CLVS2: variants seen among roughly 807,000 people sequenced by gnomAD.
CLVS2 encodes clavesin-2.
Under a neutral mutation model 29.0 loss-of-function variants are expected in CLVS2, and 19 were observed. The observed-to-expected ratio is 0.66, with a 90% CI of 0.46 to 0.96. CLVS2 has a LOEUF of 0.96. Among genes scored for constraint, CLVS2 ranks in the 40% least tolerant of loss-of-function variants. The probability of loss-of-function intolerance (pLI) is 0.00; values close to 1 mark genes in which losing one functional copy is unlikely to be tolerated. For missense variants in CLVS2, 294 were observed against 404.1 expected (o/e 0.73, Z 2.34); for synonymous variants, 161 against 151.3 (o/e 1.06, Z -0.47).
intron 3 of CLVS2, among the ~76,000 whole-genome samples, chr6:123,046,668 A>G (rs1021575540): frequency 2.6e-5 from 4 of 151,982 alleles, no homozygotes; most frequent in Admixed American, 2.6e-4. Context: ...CAAAAAAAAA[A>G]AAAAATAATA....
At chr6:123,021,052 G>GGGGC (rs1562166438) in intron 3 of CLVS2, among the ~76,000 whole-genome samples, 4 of 51,996 alleles carry the variant, frequency 7.7e-5, no homozygotes, top group African/African-American at 3.7e-4. Context: ...GAAAGAGTAT[G>GGGGC]GGGGGGGTAA....
At chr6:123,036,594 C>T (rs1459510906) in intron 3 of CLVS2, among the ~76,000 whole-genome samples, 1 of 152,126 alleles carries the variant, frequency 6.6e-6, no homozygotes, top group Non-Finnish European at 1.5e-5. Flanking sequence ...GAAGTAGATC[C>T]TCTTAGATTA....
Position 123,055,884 on chromosome 6 carries a change from A to T in CLVS2, c.754A>T (p.Met252Leu). ...GATCCTGCCCTCTGAGTTTGGAGGAATGCTGCCTCCTTATGACATGGGGAC... is the reference window on the plus strand; with the variant it reads ...GATCCTGCCCTCTGAGTTTGGAGGATTGCTGCCTCCTTATGACATGGGGAC... ...PEILPSEFGG[M>L]LPPYDMGTWA... The change falls in exon 5 of 6, where the codon ATG becomes TTG. Residue 252 changes from methionine (M) to leucine (L), a missense_variant. Physicochemically the swap from Met to Leu is conservative, Grantham distance 15 (BLOSUM62 2). Around this residue, in one of 2 missense-constraint regions of CLVS2, gnomAD observed 212 missense variants for 336.4 expected, o/e 0.63. Coordinates refer to ENST00000275162, the MANE Select transcript of CLVS2 (RefSeq NM_001010852.4). The T allele has an allele frequency of 1.2e-6, 2 of 1,614,076 alleles. No homozygotes were observed. The highest frequency in any genetic ancestry group is 1.7e-6 in the Non-Finnish European group (2 of 1,179,964).
chr6:123,033,091 A>G (rs938980540), intron 3 of CLVS2, among the ~76,000 whole-genome samples: 11 of 151,990 alleles, frequency 7.2e-5, no homozygotes, highest in Non-Finnish European at 1.0e-4. Context: ...CATATTAGCC[A>G]TTTTTGGTTT....
chr6:123,010,515 C>G (rs1057291798), intron 2 of CLVS2, among the ~76,000 whole-genome samples: 12 of 152,010 alleles, frequency 7.9e-5, no homozygotes, highest in African/African-American at 2.4e-4. Flanking sequence ...GATACAAACT[C>G]AATACAAGTA....
intron 3 of CLVS2, among the ~76,000 whole-genome samples, chr6:123,041,644 G>A (rs561853171): frequency 1.3e-5 from 2 of 152,192 alleles, no homozygotes; most frequent in South Asian, 4.1e-4. Context: ...ATATAGAATG[G>A]GGAAATGATT....
At chr6:123,003,899 T>C (rs1774625871) in intron 2 of CLVS2, among the ~76,000 whole-genome samples, 1 of 152,200 alleles carries the variant, frequency 6.6e-6, no homozygotes, top group African/African-American at 2.4e-5. Context: ...ACTGTGTGTA[T>C]TGTAGCAATT....
At chr6:123,041,552 C>T (rs909309076) in intron 3 of CLVS2, among the ~76,000 whole-genome samples, 1 of 152,082 alleles carries the variant, frequency 6.6e-6, no homozygotes, top group Non-Finnish European at 1.5e-5. Flanking sequence ...AACTGAATTC[C>T]CTTAAAGGAG....
Position 123,065,434 on chromosome 6 carries a change from A to G in CLVS2, c.*1673A>G, listed in dbSNP as rs1197135497. 1 of 151,870 alleles carries G rather than the reference A, an allele frequency of 6.6e-6. No homozygotes were observed. The highest frequency in any genetic ancestry group is 1.5e-5 in the Non-Finnish European group (1 of 67,824). The allele number at this position is 151,870 out of a possible 1,614,324, so 9.4% of individuals were successfully genotyped here. ...TTGTAAAAGCAAGCTGAATACACCA[A>G]TGTACAGTGTATCAATGGACTGCCT... On this transcript the variant is annotated 3_prime_UTR_variant, in exon 6 of 6. Transcript: ENST00000275162.
Position 123,065,441 on chromosome 6 carries a change from G to C in CLVS2, c.*1680G>C, listed in dbSNP as rs1320466888. On this transcript the variant is annotated 3_prime_UTR_variant, in exon 6 of 6. Coordinates refer to ENST00000275162, the MANE Select transcript of CLVS2 (RefSeq NM_001010852.4). ...AGCAAGCTGAATACACCAATGTACA[G>C]TGTATCAATGGACTGCCTCATGTGT... is the stretch of plus-strand genomic sequence containing the variant. 1 of 151,806 alleles carries C rather than the reference G, an allele frequency of 6.6e-6. No homozygotes were observed. Among genetic ancestry groups the C allele is most frequent in the Non-Finnish European group, 1.5e-5 (1 of 67,806 alleles). 9.4% of individuals were successfully genotyped at this position (151,806 alleles called of 1,614,324 possible).
At chr6:123,008,372 A>T (rs2114304664) in intron 2 of CLVS2, among the ~76,000 whole-genome samples, 1 of 152,220 alleles carries the variant, frequency 6.6e-6, no homozygotes, top group East Asian at 1.9e-4. Context: ...TGATATGTGT[A>T]TCAACGTTTA....
In CLVS2 at chr6:122,997,592, C is replaced by CA; in HGVS notation, c.-186_-185insA. ...AGTTTACACCCCCCGGCCCCCCCAG[C>CA]TTTGCTGGGGGAAAGCAGGAGCAAC... On this transcript the variant is annotated 5_prime_UTR_variant, in exon 2 of 6. The change abolishes the stop of an existing upstream ORF in the 5' untranslated region. Coordinates refer to ENST00000275162, the MANE Select transcript of CLVS2 (RefSeq NM_001010852.4). The CA allele has an allele frequency of 9.6e-6, 6 of 626,550 alleles. No homozygotes were observed. The highest frequency in any genetic ancestry group is 1.4e-5 in the Non-Finnish European group (5 of 358,062). 38.8% of individuals were successfully genotyped at this position (626,550 alleles called of 1,614,324 possible). A position where few individuals can be genotyped will look rare whatever the true frequency, so the allele number is the denominator to read the frequency against.
chr6:123,028,946 T>C (rs1250296079), intron 3 of CLVS2, among the ~76,000 whole-genome samples: 1 of 152,150 alleles, frequency 6.6e-6, no homozygotes, highest in Non-Finnish European at 1.5e-5. Flanking sequence ...AGTGGGGTCA[T>C]TGGAAAGTAA....
rs1772814892 is a variant in CLVS2 at position 123,063,865 on chromosome 6, A to T, written c.*104A>T. ...TTACCAGCTGGAAACCGACTTATTC[A>T]TGTTAATGTAGCATAATATATAACA... is the stretch of plus-strand genomic sequence containing the variant. On this transcript the variant is annotated 3_prime_UTR_variant, in exon 6 of 6. Coordinates refer to ENST00000275162, the MANE Select transcript of CLVS2 (RefSeq NM_001010852.4). The T allele has an allele frequency of 1.4e-6, 1 of 730,706 alleles. No individual in the cohort carries two copies. The highest frequency in any genetic ancestry group is 2.3e-6 in the Non-Finnish European group (1 of 429,226). 45.3% of individuals were successfully genotyped at this position (730,706 alleles called of 1,614,324 possible).
rs1000320698 is a variant in CLVS2 at position 123,067,508 on chromosome 6, T to G, written c.*3747T>G. ...GTGAATAATATCTCAGCTTCTTTTT[T>G]TGTGTATATTTATTAATGATTACAT... On this transcript the variant is annotated 3_prime_UTR_variant, in exon 6 of 6. Coordinates refer to ENST00000275162, the MANE Select transcript of CLVS2 (RefSeq NM_001010852.4). 3 of 151,756 alleles carry G rather than the reference T, an allele frequency of 2.0e-5. No homozygotes were observed. Among genetic ancestry groups the G allele is most frequent in the African/African-American group, 7.2e-5 (3 of 41,418 alleles). 9.4% of individuals were successfully genotyped at this position (151,756 alleles called of 1,614,324 possible).
intron 3 of CLVS2, among the ~76,000 whole-genome samples, chr6:123,028,904 C>T (rs1019001570): frequency 3.3e-5 from 5 of 152,040 alleles, no homozygotes; most frequent in Non-Finnish European, 7.4e-5. Flanking sequence ...TTTGCCCTAC[C>T]CCCAAATTCA....
rs1242236176 is a variant in CLVS2 at position 123,068,015 on chromosome 6, ATC to A, written c.*4256_*4257del. The stretch of plus-strand genomic sequence containing the variant: ...TGATCTCAATGGCTTAGAGAATATA[ATC>A]TTTTTTAAGAATTAAAGATTTTATT... On this transcript the variant is annotated 3_prime_UTR_variant, in exon 6 of 6. Coordinates refer to ENST00000275162, the MANE Select transcript of CLVS2 (RefSeq NM_001010852.4). The A allele has an allele frequency of 2.6e-5, 4 of 151,834 alleles. No homozygotes were observed. Among genetic ancestry groups the A allele is most frequent in the African/African-American group, 9.6e-5 (4 of 41,524 alleles). The allele number at this position is 151,834 out of a possible 1,614,324, so 9.4% of individuals were successfully genotyped here. A position where few individuals can be genotyped will look rare whatever the true frequency, so the allele number is the denominator to read the frequency against.
chr6:123,062,481 C>CT (rs1275245501), intron 5 of CLVS2, among the ~76,000 whole-genome samples: 13 of 151,638 alleles, frequency 8.6e-5, no homozygotes, highest in Admixed American at 3.9e-4. Flanking sequence ...TTTAGCAAGT[C>CT]TTTTTTTTCC....
At chr6:123,031,624 T>C (rs914260911) in intron 3 of CLVS2, among the ~76,000 whole-genome samples, 2 of 152,216 alleles carry the variant, frequency 1.3e-5, no homozygotes, top group African/African-American at 4.8e-5. Flanking sequence ...CCCTAAGTTG[T>C]ACATCTTAAA....
Sources: allele counts gnomAD v4.1 joint callset (sites outside exome capture counted in the v4.1 genomes callset), GRCh38; gene constraint gnomAD v4.1.1; regional missense constraint gnomAD v4.1.1; transcripts MANE v1.5; gene names NCBI Gene and HGNC (gene_info 2026-07-23, HGNC 2026-07-21).